SYNE1: variants seen among roughly 807,000 people sequenced by gnomAD.
The protein encoded by SYNE1 is nesprin-1.
A neutral mutation model predicts 1,111.0 loss-of-function variants in SYNE1; 616 were observed. That is an observed-to-expected ratio of 0.55 (90% CI 0.52 to 0.59). The LOEUF (loss-of-function observed/expected upper bound fraction) is 0.59, where lower values mean the gene tolerates loss of function less well. Ranked by LOEUF, SYNE1 falls within the 20% of genes least tolerant of loss-of-function variation. The pLI is 0.00. For synonymous variants in SYNE1, 3,855 were observed against 3,825.8 expected (o/e 1.01, Z -0.28); for missense variants, 10,006 against 10,417.0 (o/e 0.96, Z 1.72).
At chr6:152,327,073 A>C (rs1382270123) in intron 78 of SYNE1, among the ~76,000 whole-genome samples, 1 of 152,150 alleles carries the variant, frequency 6.6e-6, no homozygotes, top group Non-Finnish European at 1.5e-5. Context: ...GAGGCAGATC[A>C]CTTGAGGCCA....
intron 93 of SYNE1, among the ~76,000 whole-genome samples, chr6:152,296,879 G>A (rs1023412949): frequency 1.3e-5 from 2 of 152,076 alleles, no homozygotes; most frequent in African/African-American, 4.8e-5. Flanking sequence ...CCTGGCCTCT[G>A]TAGTCCCTCC....
chr6:152,396,806 C>T lies in SYNE1; in HGVS notation c.7525G>A (p.Ala2509Thr). The stretch of plus-strand genomic sequence containing the variant: ...AGTTCTGAAGCACAGTCTTGAAGAG[C>T]CTGCTTATCTTTAAGGCATTGTTTC... ...FLKQCLKDKQ[A>T]LQDCASELGS... The change falls in exon 50 of 146, where the codon GCT becomes ACT. Residue 2509 changes from alanine (A) to threonine (T), a missense_variant. This residue lies in a region of SYNE1 where 4,955 missense variants were observed against 5,017.2 expected (regional missense o/e 0.99). Coordinates refer to ENST00000367255, the MANE Select transcript of SYNE1 (RefSeq NM_182961.4). The T allele has an allele frequency of 6.2e-7, 1 of 1,614,106 alleles. No homozygotes were observed. The highest frequency in any genetic ancestry group is 1.3e-5 in the African/African-American group (1 of 75,032).
At chr6:152,174,050 G>A (rs536524770) in intron 130 of SYNE1, among the ~76,000 whole-genome samples, 2 of 152,186 alleles carry the variant, frequency 1.3e-5, no homozygotes, top group Admixed American at 6.5e-5. Context: ...CTTATGACTA[G>A]ATTACATTAA....
At chr6:152,391,696 T>C in intron 51 of SYNE1, 128 bp from the exon 52 acceptor site, 2 of 1,128,534 alleles carry the variant, frequency 1.8e-6, no homozygotes, top group Non-Finnish European at 2.5e-6. Context: ...ACATGCCTTT[T>C]AAATAAAGAT....
At chr6:152,197,337 C>T (rs1375882564) in intron 127 of SYNE1, among the ~76,000 whole-genome samples, 10 of 152,218 alleles carry the variant, frequency 6.6e-5, no homozygotes, top group Non-Finnish European at 1.3e-4. Flanking sequence ...TTCTACTCAG[C>T]CATCTTGTTC....
chr6:152,444,496 C>T lies in SYNE1; in HGVS notation c.3752G>A (p.Gly1251Asp), dbSNP rs769620903. The T allele has an allele frequency of 2.0e-5, 32 of 1,613,738 alleles. No homozygotes were observed. In the South Asian group the frequency reaches 3.4e-4, roughly 17 times the overall value. ...AGCTTGTTCCTGGACTTCTTTAGAGCCAGAAATTAATTCTTCGAGAGAATT... is the reference window on the plus strand; with the variant it reads ...AGCTTGTTCCTGGACTTCTTTAGAGTCAGAAATTAATTCTTCGAGAGAATT... ...VKNSLEELIS[G>D]SKEVQEQAEK... The change falls in exon 30 of 146, where the codon GGC (glycine) becomes GAC (aspartate). Residue 1251 changes from glycine (G) to aspartate (D), a missense_variant. Gly to Asp is a moderately conservative substitution (Grantham distance 94). Around this residue, in one of 7 missense-constraint regions of SYNE1, gnomAD observed 1,971 missense variants for 2,084.1 expected, o/e 0.95. Coordinates refer to ENST00000367255, the MANE Select transcript of SYNE1 (RefSeq NM_182961.4).
In SYNE1 at chr6:152,255,186, G is replaced by C; in HGVS notation, c.19261-97C>G. 3.7e-6 allele frequency: 4 copies of C among 1,068,626 alleles called. No homozygotes were observed. In the South Asian group the frequency reaches 5.4e-5, roughly 15 times the overall value. 66.2% of individuals were successfully genotyped at this position (1,068,626 alleles called of 1,614,324 possible). A position where few individuals can be genotyped will look rare whatever the true frequency, so the allele number is the denominator to read the frequency against. Reference sequence around the variant, plus strand: ...ATAGAAAGTCAACTAGATCTCTCTGGCTGCTTAGTAATAATCAGACCTAAG... The same window carrying C: ...ATAGAAAGTCAACTAGATCTCTCTGCCTGCTTAGTAATAATCAGACCTAAG... On this transcript the variant is annotated intron_variant, in intron 103 of 145. Coordinates refer to ENST00000367255, the MANE Select transcript of SYNE1 (RefSeq NM_182961.4).
intron 127 of SYNE1, among the ~76,000 whole-genome samples, chr6:152,200,542 C>A (rs1013947984): frequency 6.6e-6 from 1 of 152,112 alleles, no homozygotes; most frequent in African/African-American, 2.4e-5. Flanking sequence ...GGACTACAGG[C>A]AAGCACCACC....
intron 2 of SYNE1, among the ~76,000 whole-genome samples, chr6:152,632,845 G>A (rs1316437455): frequency 1.3e-5 from 2 of 152,152 alleles, no homozygotes; most frequent in Non-Finnish European, 2.9e-5. Context: ...ATGTAGCAGA[G>A]TTTCAGCAAA....
chr6:152,227,866 G>T (rs191501977), intron 115 of SYNE1, among the ~76,000 whole-genome samples: 4 of 152,208 alleles, frequency 2.6e-5, no homozygotes, highest in Admixed American at 2.6e-4. Context: ...AAAAATAAAG[G>T]TGTGTTTCCC....
chr6:152,398,126 A>C (rs1452527051), intron 49 of SYNE1, among the ~76,000 whole-genome samples: 1 of 152,054 alleles, frequency 6.6e-6, no homozygotes, highest in Non-Finnish European at 1.5e-5. Context: ...TCATTTCTTA[A>C]CTCTACTTCA....
At chr6:152,613,250 C>T (rs945200654) in intron 3 of SYNE1, among the ~76,000 whole-genome samples, 2 of 152,120 alleles carry the variant, frequency 1.3e-5, no homozygotes, top group African/African-American at 4.8e-5. Context: ...TAGAAAACCC[C>T]ATCATCTCAG....
Position 152,433,905 on chromosome 6 carries a change from A to G in SYNE1, c.4351T>C (p.Phe1451Leu), listed in dbSNP as rs1226158346. ...MEMVKTKWDH[F>L]GSNFETLSVW... The stretch of plus-strand genomic sequence containing the variant: ...GACAGAGTCTCAAAATTACTGCCAA[A>G]ATGATCCCACTTGGTTTTCACCATT... The change falls in exon 34 of 146, where the codon TTT becomes CTT. Residue 1451 changes from phenylalanine to leucine, a missense_variant. Around this residue, in one of 7 missense-constraint regions of SYNE1, gnomAD observed 1,971 missense variants for 2,084.1 expected, o/e 0.95. Coordinates refer to ENST00000367255, the MANE Select transcript of SYNE1 (RefSeq NM_182961.4). The G allele has an allele frequency of 6.2e-7, 1 of 1,613,764 alleles. No individual in the cohort carries two copies. The highest frequency in any genetic ancestry group is 8.5e-7 in the Non-Finnish European group (1 of 1,179,790).
Position 152,587,539 on chromosome 6 carries a change from T to A in SYNE1, c.67+40726A>T, listed in dbSNP as rs1346224502. 2.0e-5 allele frequency among the ~76,000 whole-genome samples: 3 copies of A among 152,140 alleles called. No individual in the cohort carries two copies. The East Asian group carries it at 5.8e-4, about 29-fold the overall frequency. ...AAAGCAAAGGATGCCTGTAGAATAA[T>A]GAAAAAACTAATGAAAAAGAGCTGC... On this transcript the variant is annotated intron_variant, in intron 3 of 145. Transcript: ENST00000367255.
chr6:152,160,592 C>A (rs2062279480), intron 131 of SYNE1, among the ~76,000 whole-genome samples: 2 of 152,066 alleles, frequency 1.3e-5, no homozygotes, highest in African/African-American at 4.8e-5. Flanking sequence ...GCCTGTGTAG[C>A]AAGTATGAAG....
At position 152,628,548 on chromosome 6, in the gene SYNE1, C is replaced by T; in HGVS notation, c.-217G>A. On this transcript the variant is annotated 5_prime_UTR_variant, in exon 3 of 146. Transcript: ENST00000367255. ...TTAAGACTGTCCTCTTACATGAACTCAAGAACCTGAAAAACAAAAAAGAAA... is the reference window on the plus strand; with the variant it reads ...TTAAGACTGTCCTCTTACATGAACTTAAGAACCTGAAAAACAAAAAAGAAA... The T allele has an allele frequency of 3.6e-6, 2 of 557,832 alleles. No homozygotes were observed. The highest frequency in any genetic ancestry group is 6.4e-6 in the Non-Finnish European group (2 of 314,104). 34.6% of individuals were successfully genotyped at this position (557,832 alleles called of 1,614,324 possible).
Position 152,376,759 on chromosome 6 carries a change from A to G in SYNE1, c.9146+17T>C, listed in dbSNP as rs540702990. 9 of 1,613,378 alleles carry G rather than the reference A, an allele frequency of 5.6e-6. No homozygotes were observed. The highest frequency in any genetic ancestry group is 7.6e-6 in the Non-Finnish European group (9 of 1,179,958). On this transcript the variant is annotated intron_variant, in intron 57 of 145. Coordinates refer to ENST00000367255, the MANE Select transcript of SYNE1 (RefSeq NM_182961.4). Reference sequence around the variant, plus strand: ...TTGTATAAAAATATCTTGAACACCAATAAGGTTCATGCTCACCAATTATAC... The same window carrying G: ...TTGTATAAAAATATCTTGAACACCAGTAAGGTTCATGCTCACCAATTATAC...
intron 23 of SYNE1, 57 bp downstream of exon 23, chr6:152,455,829 T>C: frequency 1.9e-6 from 3 of 1,609,902 alleles, no homozygotes. Context: ...GATGGTTTCT[T>C]GTCCTCACTC....
Position 152,362,271 on chromosome 6 carries a change from G to C in SYNE1, c.10198C>G (p.Gln3400Glu), listed in dbSNP as rs753065823. Reference sequence around the variant, plus strand: ...ATACTATCCATCCAACCGGAGAACTGTCGAACGCCATCCTGATAACTTGTC... The same window carrying C: ...ATACTATCCATCCAACCGGAGAACTCTCGAACGCCATCCTGATAACTTGTC... ...KWTSYQDGVR[Q>E]FSGWMDSMEA... Residue 3400 changes from glutamine to glutamate, a missense_variant, in exon 64 of 146, where the codon CAG (glutamine) becomes GAG (glutamate). Physicochemically the swap from Gln to Glu is conservative, Grantham distance 29 (BLOSUM62 2). This residue lies in a region of SYNE1 where 4,955 missense variants were observed against 5,017.2 expected (regional missense o/e 0.99). Coordinates refer to ENST00000367255, the MANE Select transcript of SYNE1 (RefSeq NM_182961.4). 2 of 1,614,212 alleles carry C rather than the reference G, an allele frequency of 1.2e-6. No homozygotes were observed. Among genetic ancestry groups the C allele is most frequent in the Non-Finnish European group, 1.7e-6 (2 of 1,180,034 alleles).
Sources: gnomAD v4.1 joint callset for allele counts (sites outside exome capture counted in the v4.1 genomes callset) on GRCh38, gnomAD v4.1.1 for gene constraint, gnomAD v4.1.1 regional missense constraint, MANE v1.5 for transcripts, NCBI Gene and HGNC (gene_info 2026-07-23, HGNC 2026-07-21) for gene names.